The following ATXN1 variants were observed in gnomAD, a reference collection of about 807,000 sequenced individuals.
The protein encoded by ATXN1 is ataxin 1.
In ATXN1, 8 loss-of-function variants were observed where a neutral mutation model predicts 56.4. That is an observed-to-expected ratio of 0.14 (90% CI 0.08 to 0.26). ATXN1 has a LOEUF of 0.26. Ranked by LOEUF, ATXN1 falls within the 10% of genes least tolerant of loss-of-function variation. The pLI, the probability that ATXN1 is intolerant of heterozygous loss-of-function variation, is 1.00. For synonymous variants in ATXN1, 514 were observed against 494.6 expected (o/e 1.04, Z -0.52); for missense variants, 987 against 1,106.5 (o/e 0.89, Z 1.53).
At chr6:16,495,215 T>C (rs1269045171) in intron 5 of ATXN1, among the ~76,000 whole-genome samples, 1 of 152,234 alleles carries the variant, frequency 6.6e-6, no homozygotes, top group Non-Finnish European at 1.5e-5. Context: ...ATTTGCTCCT[T>C]TTTAATAACA....
chr6:16,408,783 C>G (rs1204795541), intron 6 of ATXN1, among the ~76,000 whole-genome samples: 2 of 152,126 alleles, frequency 1.3e-5, no homozygotes, highest in African/African-American at 4.8e-5. Flanking sequence ...CTCTGTCATC[C>G]AGGCTGGAGG....
chr6:16,338,465 C>T (rs1025587008), intron 6 of ATXN1, among the ~76,000 whole-genome samples: 2 of 152,192 alleles, frequency 1.3e-5, no homozygotes, highest in Non-Finnish European at 1.5e-5. Context: ...TGCACTCCAG[C>T]CTGGGCGACA....
In ATXN1 at chr6:16,326,369, C is replaced by A. The variant is rs1760805001; in HGVS notation, c.1917+25G>T. On this transcript the variant is annotated intron_variant, in intron 7 of 7. Transcript: ENST00000436367. This position sits in a 1 kb window ranked among gnomAD's most constrained non-coding sequence, Gnocchi z 6.6. ...TGGCATCACGGTGTGGTGTCCCATC[C>A]CTGTGCCACCCTGGCTAACGTTACC... The A allele has an allele frequency of 8.7e-6, 14 of 1,609,664 alleles. No individual in the cohort carries two copies. The highest frequency in any genetic ancestry group is 1.2e-5 in the Non-Finnish European group (14 of 1,178,174).
intron 2 of ATXN1, chr6:16,739,993 T>A: frequency 2.4e-6 from 1 of 423,386 alleles, no homozygotes; most frequent in Non-Finnish European, 4.9e-6. Context: ...CCTTGACTCC[T>A]GGGGGAAAAG....
rs142026521 is a variant in ATXN1, at chr6:16,368,062, C to T, written c.-160-39592G>A. 7.2e-5 allele frequency among the ~76,000 whole-genome samples: 11 copies of T among 151,810 alleles called. No individual in the cohort carries two copies. In the East Asian group the frequency reaches 9.7e-4, roughly 13 times the overall value. ...GTGCGCACCTGTAGTCCCAGTTACT[C>T]GGGAGCCTGAGGCAGGACAATTGCT... On this transcript the variant is annotated intron_variant, in intron 6 of 7. Transcript: ENST00000436367.
At chr6:16,417,273 A>AG (rs1758930648) in intron 6 of ATXN1, among the ~76,000 whole-genome samples, 1 of 152,116 alleles carries the variant, frequency 6.6e-6, no homozygotes, top group Non-Finnish European at 1.5e-5. Flanking sequence ...GACCTTAGGC[A>AG]ATCCTCCTGC....
chr6:16,748,433 C>A (rs924229805), intron 2 of ATXN1, among the ~76,000 whole-genome samples: 1 of 152,114 alleles, frequency 6.6e-6, no homozygotes, highest in Non-Finnish European at 1.5e-5. Context: ...AGGAACAGGG[C>A]TGAGAGTGTA....
At chr6:16,455,419 G>A (rs75002482) in intron 6 of ATXN1, among the ~76,000 whole-genome samples, 2,403 of 152,328 alleles carry the variant, frequency 0.016, 72 homozygotes, top group African/African-American at 0.055. Flanking sequence ...GCCAACAGCA[G>A]ATGCTGGCAA....
intron 3 of ATXN1, among the ~76,000 whole-genome samples, chr6:16,590,877 C>T (rs1762710407): frequency 1.3e-5 from 2 of 151,626 alleles, no homozygotes; most frequent in African/African-American, 4.8e-5. Context: ...AGTTTCACTC[C>T]TGTTGCCCAG....
intron 7 of ATXN1, among the ~76,000 whole-genome samples, chr6:16,313,700 G>A (rs974318439): frequency 1.3e-5 from 2 of 151,792 alleles, no homozygotes; most frequent in African/African-American, 4.8e-5. Flanking sequence ...GGGATTACAG[G>A]TGCCCACCAC....
In ATXN1 at chr6:16,323,553, AAAT is replaced by A. The variant is rs1184230408; in HGVS notation, c.1917+2838_1917+2840del. On this transcript the variant is annotated intron_variant, in intron 7 of 7. Transcript: ENST00000436367. ...AAAAAAAAAAAAAAAAAAAAAAAAA[AAAT>A]AGAAGAGTCTGGTTTCTGCAGAGGC... Among the ~76,000 whole-genome samples, 390 of 146,658 alleles carry A rather than the reference AAAT, an allele frequency of 2.7e-3. 15 individuals carry two copies. The East Asian group carries it at 0.047, about 18-fold the overall frequency.
intron 6 of ATXN1, among the ~76,000 whole-genome samples, chr6:16,440,217 A>G (rs1431239166): frequency 1.3e-5 from 2 of 152,170 alleles, no homozygotes; most frequent in African/African-American, 4.8e-5. Flanking sequence ...ATCTCTACCA[A>G]AAATACAAAA....
chr6:16,395,631 A>C (rs1368144338), intron 6 of ATXN1, among the ~76,000 whole-genome samples: 3 of 152,214 alleles, frequency 2.0e-5, no homozygotes, highest in Non-Finnish European at 4.4e-5. Flanking sequence ...ATAATAGTTG[A>C]TAGTGAAAAT....
At chr6:16,604,248 T>C (rs566094208) in intron 3 of ATXN1, among the ~76,000 whole-genome samples, 5 of 149,648 alleles carry the variant, frequency 3.3e-5, no homozygotes, top group African/African-American at 9.9e-5. Flanking sequence ...CTCAGCACTT[T>C]GGAAGGCCAA....
At chr6:16,685,040 C>T (rs747165943) in intron 2 of ATXN1, among the ~76,000 whole-genome samples, 1 of 149,918 alleles carries the variant, frequency 6.7e-6, no homozygotes, top group Non-Finnish European at 1.5e-5. Flanking sequence ...CACACACATA[C>T]GTACATGCAC....
At position 16,306,857 on chromosome 6, in the gene ATXN1, G is replaced by C; in HGVS notation, c.1920C>G (p.Val640=). The C allele has an allele frequency of 6.2e-7, 1 of 1,600,810 alleles. No homozygotes were observed. Among genetic ancestry groups the C allele is most frequent in the Non-Finnish European group, 8.5e-7 (1 of 1,176,880 alleles). Residue 640 remains valine, a splice_region_variant and synonymous_variant, in exon 8 of 8, where the codon GTC becomes GTG. Transcript: ENST00000436367. The surrounding 1 kb of genome is among the most constrained non-coding windows in gnomAD (Gnocchi z 5.2). ...GATACTCTACCAAAACTTCAACGCT[G>C]ACCTGTGGAAACAGGGAGAGACAGA... ...QFAVGEHRAQ[V]SVEVLVEYPF...
At chr6:16,445,425 C>T (rs1313234051) in intron 6 of ATXN1, among the ~76,000 whole-genome samples, 2 of 151,926 alleles carry the variant, frequency 1.3e-5, no homozygotes, top group Non-Finnish European at 2.9e-5. Flanking sequence ...GTAGAGAAAA[C>T]GATGTTGGCT....
At position 16,648,068 on chromosome 6, in the gene ATXN1, T is replaced by C. The variant is rs1288632866; in HGVS notation, c.-489+9708A>G. ...CCAGCCTGGGCAACAAGAACGAAACTCCATCTCAAAAACAAAATAAAATAA... is the reference window on the plus strand; with the variant it reads ...CCAGCCTGGGCAACAAGAACGAAACCCCATCTCAAAAACAAAATAAAATAA... On this transcript the variant is annotated intron_variant, in intron 3 of 7. Transcript: ENST00000436367. Among the ~76,000 whole-genome samples, 7 of 152,070 alleles carry C rather than the reference T, an allele frequency of 4.6e-5. No homozygotes were observed. The South Asian group carries it at 8.3e-4, about 18-fold the overall frequency.
In ATXN1 at chr6:16,594,760, C is replaced by T. The variant is rs549924656; in HGVS notation, c.-488-8853G>A. On this transcript the variant is annotated intron_variant, in intron 3 of 7. Transcript: ENST00000436367. ...CCTCCCAAAGTGCTGGGATTACAGG[C>T]GTGAGCCACCGTGCCCAGCCTACAG... Among the ~76,000 whole-genome samples the T allele has an allele frequency of 9.5e-4, 145 of 152,228 alleles. 1 individual carries two copies. The highest frequency in any genetic ancestry group is 3.3e-3 in the African/African-American group (138 of 41,530).
Sources: allele counts gnomAD v4.1 joint callset (sites outside exome capture counted in the v4.1 genomes callset), GRCh38; gene constraint gnomAD v4.1.1; non-coding constraint Gnocchi (gnomAD v3.1); transcripts MANE v1.5; gene names NCBI Gene and HGNC (gene_info 2026-07-23, HGNC 2026-07-21).